PNLIPRP3: variants seen among roughly 807,000 people sequenced by gnomAD.
The protein encoded by PNLIPRP3 is pancreatic lipase related protein 3, also known as pancreatic lipase-related protein 3.
PNLIPRP3 carries 58 observed loss-of-function variants against 52.8 expected under a neutral mutation model. The observed-to-expected ratio is 1.10, with a 90% CI of 0.89 to 1.37. The LOEUF is 1.37. PNLIPRP3 is among the 40% of genes most tolerant of loss of function. PNLIPRP3 has a pLI of 0.00. For missense variants in PNLIPRP3, 593 were observed against 561.6 expected, an observed-to-expected ratio of 1.06 and a Z score of -0.57; for synonymous variants, 192 against 185.0, an observed-to-expected ratio of 1.04 and a Z score of -0.31.
Position 116,436,858 on chromosome 10 carries a change from C to T in PNLIPRP3, c.197C>T (p.Ala66Val), listed in dbSNP as rs762495153. The stretch of plus-strand genomic sequence containing the variant: ...CTCTACACTATACACAATCCCAATG[C>T]CTATCAGGTAAGCTAACTTGCAGCC... ...FLLYTIHNPN[A>V]YQEISAVNSS... Residue 66 changes from alanine to valine, a missense_variant, in exon 2 of 12, where the codon GCC becomes GTC. By Grantham distance (64) the Ala-to-Val change is moderately conservative. Transcript: ENST00000369230. The T allele has an allele frequency of 5.7e-6, 9 of 1,585,326 alleles. No homozygotes were observed. The highest frequency in any genetic ancestry group is 7.7e-6 in the Non-Finnish European group (9 of 1,163,244).
intron 5 of PNLIPRP3, among the ~76,000 whole-genome samples, chr10:116,460,183 T>C (rs1268266339): frequency 6.6e-6 from 1 of 152,202 alleles, no homozygotes; most frequent in Non-Finnish European, 1.5e-5. Context: ...GGACACTGAC[T>C]GGGGTGCCTT....
intron 8 of PNLIPRP3, among the ~76,000 whole-genome samples, chr10:116,467,305 C>G (rs1727883618): frequency 6.6e-6 from 1 of 152,112 alleles, no homozygotes; most frequent in Admixed American, 6.5e-5. Context: ...TGCAGGAGAT[C>G]TCTTAAGCCC....
At chr10:116,460,397 T>C (rs576099516) in intron 5 of PNLIPRP3, among the ~76,000 whole-genome samples, 1 of 152,284 alleles carries the variant, frequency 6.6e-6, no homozygotes, top group Admixed American at 6.5e-5. Flanking sequence ...CATGACGCAA[T>C]GGGATGAGAG....
At chr10:116,433,211 A>C (rs1845732417) in intron 1 of PNLIPRP3, among the ~76,000 whole-genome samples, 1 of 150,550 alleles carries the variant, frequency 6.6e-6, no homozygotes, top group Non-Finnish European at 1.5e-5. Context: ...CAAAAGCCTG[A>C]TAATTTTGAT....
chr10:116,432,880 C>T (rs187876209), intron 1 of PNLIPRP3, among the ~76,000 whole-genome samples: 429 of 151,670 alleles, frequency 2.8e-3, no homozygotes, highest in Non-Finnish European at 4.8e-3. Flanking sequence ...TTTGGGAGGT[C>T]GAGGCGGGCG....
chr10:116,458,868 A>G (rs1846152454), intron 5 of PNLIPRP3, among the ~76,000 whole-genome samples: 1 of 152,074 alleles, frequency 6.6e-6, no homozygotes, highest in South Asian at 2.1e-4. Context: ...TCTAGATCCA[A>G]GCTCCACAAA....
rs1467785490 is a variant in PNLIPRP3 at position 116,455,773 on chromosome 10, G to T, written c.508G>T (p.Gly170Ter). ...AGTGCACTTGATTGGCCACAGCTTGGGAGCACACCTGGCTGGGGAAGCTGG... is the reference window on the plus strand; with the variant it reads ...AGTGCACTTGATTGGCCACAGCTTGTGAGCACACCTGGCTGGGGAAGCTGG... The part of the protein sequence containing the change: ...SKVHLIGHSL[G>*]AHLAGEAGSR... Residue 170 changes from glycine to a stop codon, truncating the protein, a stop_gained, in exon 5 of 12, where the codon GGA (glycine) becomes TGA (stop). Coordinates refer to ENST00000369230, the MANE Select transcript of PNLIPRP3 (RefSeq NM_001011709.3). LOFTEE classifies it high-confidence loss of function. 1 of 1,613,828 alleles carries T rather than the reference G, an allele frequency of 6.2e-7. No homozygotes were observed. The highest frequency in any genetic ancestry group is 8.5e-7 in the Non-Finnish European group (1 of 1,179,976).
Position 116,428,030 on chromosome 10 carries a change from T to G in PNLIPRP3, c.18T>G (p.Ile6Met). The change falls in exon 1 of 12, where the codon ATT becomes ATG. Residue 6 changes from isoleucine to methionine, a missense_variant. Coordinates refer to ENST00000369230, the MANE Select transcript of PNLIPRP3 (RefSeq NM_001011709.3). MLGIW[I>M]VAFLFFGTSR... is the part of the protein sequence containing the mutation. ...CAGCTTAGATGCTTGGAATTTGGAT[T>G]GTTGCATTCTTGTTCTTTGGCACAT... 1 of 1,609,598 alleles carries G rather than the reference T, an allele frequency of 6.2e-7. No individual in the cohort carries two copies. Among genetic ancestry groups the G allele is most frequent in the Non-Finnish European group, 8.5e-7 (1 of 1,176,946 alleles).
At chr10:116,444,290 A>T (rs1845909840) in intron 3 of PNLIPRP3, 92 bp from the exon 4 acceptor site, 2 of 1,094,380 alleles carry the variant, frequency 1.8e-6, no homozygotes, top group Non-Finnish European at 2.5e-6. Context: ...TCAACCTACT[A>T]GTATAATTTC....
chr10:116,444,317 T>C (rs1052732055), intron 3 of PNLIPRP3, 65 bp from the exon 4 acceptor site: 4 of 1,357,218 alleles, frequency 2.9e-6, no homozygotes, highest in Non-Finnish European at 4.0e-6. Context: ...TGGAATCAAG[T>C]GTTGAGACAC....
chr10:116,462,409 G>C (rs530977044), intron 7 of PNLIPRP3, among the ~76,000 whole-genome samples: 1 of 151,636 alleles, frequency 6.6e-6, no homozygotes, highest in Admixed American at 6.6e-5. Flanking sequence ...AAGATATCAA[G>C]GAGTTGAAAT....
chr10:116,436,498 G>A (rs1339102429), intron 1 of PNLIPRP3, among the ~76,000 whole-genome samples: 1 of 152,064 alleles, frequency 6.6e-6, no homozygotes, highest in African/African-American at 2.4e-5. Context: ...TAAACAAGTG[G>A]GATTGCATTA....
intron 4 of PNLIPRP3, among the ~76,000 whole-genome samples, chr10:116,450,922 T>TTA (rs397708775): frequency 4.3e-4 from 65 of 151,660 alleles, no homozygotes; most frequent in Non-Finnish European, 6.5e-4. Flanking sequence ...GCCTTTTTTT[T>TTA]AACAGAAATA....
chr10:116,475,060 A>G (rs6585400), intron 10 of PNLIPRP3, among the ~76,000 whole-genome samples: 20,643 of 152,226 alleles, frequency 0.14, 2,089 homozygotes, highest in African/African-American at 0.27. Flanking sequence ...CAGACTGGAT[A>G]AAGAAAATGT....
rs991200965 is a variant in PNLIPRP3 at position 116,443,251 on chromosome 10, G to C, written c.324+77G>C. 3 of 1,380,124 alleles carry C rather than the reference G, an allele frequency of 2.2e-6. No individual in the cohort carries two copies. The Admixed American group carries it at 6.5e-5, about 30-fold the overall frequency. 85.5% of individuals were successfully genotyped at this position (1,380,124 alleles called of 1,614,324 possible). On this transcript the variant is annotated intron_variant, in intron 3 of 11. Transcript: ENST00000369230. The stretch of plus-strand genomic sequence containing the variant: ...ACATGAATGTACTTTGCAAGGTATT[G>C]ATGTATATTCATGGAAATCTTCCAT...
Position 116,439,541 on chromosome 10 carries a change from C to T in PNLIPRP3, c.204+2676C>T, listed in dbSNP as rs1845827242. On this transcript the variant is annotated intron_variant, in intron 2 of 11. Coordinates refer to ENST00000369230, the MANE Select transcript of PNLIPRP3 (RefSeq NM_001011709.3). ...TTTTCCGGGCAACTTTAGCAGGACG[C>T]TTTGCGCCATCAAACTTTACTTTCG... 5 of 833,790 alleles carry T rather than the reference C, an allele frequency of 6.0e-6. No homozygotes were observed. In the East Asian group the frequency reaches 1.2e-4, roughly 20 times the overall value. 51.6% of individuals were successfully genotyped at this position (833,790 alleles called of 1,614,324 possible).
At chr10:116,441,082 A>G (rs1845851879) in intron 2 of PNLIPRP3, among the ~76,000 whole-genome samples, 1 of 152,186 alleles carries the variant, frequency 6.6e-6, no homozygotes, top group African/African-American at 2.4e-5. Context: ...GCAGAATCTA[A>G]GCTGTCTTCT....
intron 7 of PNLIPRP3, among the ~76,000 whole-genome samples, chr10:116,462,708 T>G (rs1846210971): frequency 2.6e-5 from 4 of 152,178 alleles, no homozygotes. Flanking sequence ...CCCATTATTT[T>G]CTATATTACG....
intron 4 of PNLIPRP3, among the ~76,000 whole-genome samples, chr10:116,450,447 G>C (rs1367722759): frequency 6.6e-6 from 1 of 151,958 alleles, no homozygotes; most frequent in Non-Finnish European, 1.5e-5. Context: ...CAGAAGAAGG[G>C]AAATAATAAA....
Sources: allele counts gnomAD v4.1 joint callset (sites outside exome capture counted in the v4.1 genomes callset), GRCh38; gene constraint gnomAD v4.1.1; transcripts MANE v1.5; gene names NCBI Gene and HGNC (gene_info 2026-07-23, HGNC 2026-07-21).